GXYLT2: variants seen among roughly 807,000 people sequenced by gnomAD.
GXYLT2 encodes the protein glycosyltransferase 8 domain containing 4.
A neutral mutation model predicts 45.8 loss-of-function variants in GXYLT2; 53 were observed. The ratio of observed to expected loss-of-function variants is 1.16; its 90% CI spans 0.93 to 1.46. GXYLT2 has a LOEUF of 1.46. GXYLT2 is among the 40% of genes most tolerant of loss of function. GXYLT2 has a pLI of 0.00. For synonymous variants in GXYLT2, 219 were observed against 214.2 expected (o/e 1.02, Z -0.19); for missense variants, 551 against 544.4 (o/e 1.01, Z -0.12).
chr3:72,918,799 G>T (rs887347030), intron 2 of GXYLT2, among the ~76,000 whole-genome samples: 1 of 152,010 alleles, frequency 6.6e-6, no homozygotes, highest in Non-Finnish European at 1.5e-5. Context: ...CTGCACTCCA[G>T]CTTGGGCAAC....
At chr3:72,965,653 T>C (rs1055595923) in intron 5 of GXYLT2, among the ~76,000 whole-genome samples, 6 of 152,188 alleles carry the variant, frequency 3.9e-5, no homozygotes, top group African/African-American at 1.4e-4. Context: ...TTTCTCAACA[T>C]CAGCACTATT....
chr3:72,909,132 G>T (rs79335146), intron 2 of GXYLT2, among the ~76,000 whole-genome samples: 5,850 of 140,196 alleles, frequency 0.042, 341 homozygotes, highest in African/African-American at 0.14. Context: ...CCAGTGGTGC[G>T]ATCTTAGCTC....
chr3:72,895,384 A>G (rs887512192), intron 1 of GXYLT2, among the ~76,000 whole-genome samples: 13 of 151,906 alleles, frequency 8.6e-5, no homozygotes, highest in African/African-American at 2.9e-4. Flanking sequence ...TTTTTTCTTA[A>G]TCTAGTTTGA....
chr3:72,944,348 A>G (rs1710362505), intron 3 of GXYLT2, among the ~76,000 whole-genome samples: 2 of 149,548 alleles, frequency 1.3e-5, no homozygotes, highest in Admixed American at 6.7e-5. Flanking sequence ...TCCAACTCCC[A>G]GGTTCAAGTG....
intron 3 of GXYLT2, among the ~76,000 whole-genome samples, chr3:72,939,628 A>G (rs1027667891): frequency 6.6e-6 from 1 of 152,070 alleles, no homozygotes; most frequent in Non-Finnish European, 1.5e-5. Flanking sequence ...ATCTCAAAGT[A>G]GACAATTAGA....
In GXYLT2 at chr3:72,888,321, G is replaced by C; in HGVS notation, c.88G>C (p.Ala30Pro). The C allele has an allele frequency of 1.0e-6, 1 of 987,334 alleles. No homozygotes were observed. The highest frequency in any genetic ancestry group is 1.2e-6 in the Non-Finnish European group (1 of 833,374). 61.2% of individuals were successfully genotyped at this position (987,334 alleles called of 1,614,324 possible). ...LALLSLRAGR[A>P]EPPALPARPA... The stretch of plus-strand genomic sequence containing the variant: ...GCTGCTGTCCCTGCGCGCTGGCCGC[G>C]CTGAGCCCCCAGCGCTGCCCGCGCG... Residue 30 changes from alanine (A) to proline (P), a missense_variant, in exon 1 of 7, where the codon GCT becomes CCT. Physicochemically the swap from Ala to Pro is conservative, Grantham distance 27. Transcript: ENST00000389617.
chr3:72,894,436 A>G (rs1709244190), intron 1 of GXYLT2, among the ~76,000 whole-genome samples: 1 of 152,240 alleles, frequency 6.6e-6, no homozygotes, highest in South Asian at 2.1e-4. Context: ...GACTTTATCA[A>G]AACCTGCGGG....
intron 3 of GXYLT2, chr3:72,929,401 A>T (rs1709982298): frequency 1.7e-6 from 2 of 1,148,376 alleles, no homozygotes; most frequent in African/African-American, 3.0e-5. Flanking sequence ...CTGGAACTGC[A>T]CAAACTGGCC....
At chr3:72,958,504 C>G (rs1422255652) in intron 5 of GXYLT2, among the ~76,000 whole-genome samples, 5 of 151,672 alleles carry the variant, frequency 3.3e-5, no homozygotes, top group Non-Finnish European at 7.4e-5. Flanking sequence ...TTTCATATGT[C>G]TTTGGATCAA....
intron 2 of GXYLT2, among the ~76,000 whole-genome samples, chr3:72,911,945 T>A (rs1001473288): frequency 1.4e-5 from 2 of 147,100 alleles, no homozygotes; most frequent in Admixed American, 6.8e-5. Context: ...ATGTATATAA[T>A]ATATAAGTTG....
intron 2 of GXYLT2, among the ~76,000 whole-genome samples, chr3:72,915,243 C>G (rs1709712251): frequency 1.4e-5 from 2 of 147,802 alleles, no homozygotes; most frequent in Non-Finnish European, 3.0e-5. Context: ...GTTTTTTTTC[C>G]TTTAAAGAAA....
chr3:72,972,772 A>T (rs1402707543), intron 6 of GXYLT2, among the ~76,000 whole-genome samples: 2 of 151,610 alleles, frequency 1.3e-5, no homozygotes, highest in Admixed American at 1.3e-4. Context: ...TAAAAAAAAA[A>T]AAAAAAAATT....
At chr3:72,965,074 C>G (rs990575344) in intron 5 of GXYLT2, among the ~76,000 whole-genome samples, 6 of 152,172 alleles carry the variant, frequency 3.9e-5, no homozygotes, top group African/African-American at 1.2e-4. Context: ...GGCCACTACT[C>G]CATCCCACTT....
intron 3 of GXYLT2, among the ~76,000 whole-genome samples, chr3:72,934,116 C>T (rs1710132711): frequency 7.4e-6 from 1 of 134,554 alleles, no homozygotes; most frequent in South Asian, 2.3e-4. Flanking sequence ...GGGTCTTGCT[C>T]TGTCACCCAG....
At chr3:72,969,811 G>A (rs1280972598) in intron 6 of GXYLT2, among the ~76,000 whole-genome samples, 3 of 148,486 alleles carry the variant, frequency 2.0e-5, no homozygotes, top group Non-Finnish European at 4.4e-5. Flanking sequence ...GTTAAAGATC[G>A]AATTCTCTAA....
At chr3:72,901,468 G>GAAAA (rs71124001) in intron 1 of GXYLT2, among the ~76,000 whole-genome samples, 1 of 115,652 alleles carries the variant, frequency 8.6e-6, no homozygotes. Flanking sequence ...TGCATCAAAA[G>GAAAA]AAAAAAAAAA....
chr3:72,974,256 G>T (rs560899116), intron 6 of GXYLT2, among the ~76,000 whole-genome samples: 1 of 152,186 alleles, frequency 6.6e-6, no homozygotes, highest in African/African-American at 2.4e-5. Context: ...GAAAACAAAA[G>T]AATTTTAAAA....
At chr3:72,901,950 C>T (rs1217212709) in intron 1 of GXYLT2, among the ~76,000 whole-genome samples, 6 of 152,086 alleles carry the variant, frequency 3.9e-5, no homozygotes, top group Admixed American at 3.3e-4. Context: ...TTTACATTGT[C>T]ATTATGTTCA....
intron 3 of GXYLT2, chr3:72,928,930 G>A (rs1709970571): frequency 1.4e-6 from 1 of 719,346 alleles, no homozygotes; most frequent in African/African-American, 1.7e-5. Flanking sequence ...ATCCCGGCCG[G>A]CCGCCCATAG....
Sources: allele counts gnomAD v4.1 joint callset (sites outside exome capture counted in the v4.1 genomes callset), GRCh38; gene constraint gnomAD v4.1.1; transcripts MANE v1.5; gene names NCBI Gene and HGNC (gene_info 2026-07-23, HGNC 2026-07-21).